The following PSME4 variants were observed in gnomAD, a reference collection of about 807,000 sequenced individuals.
PSME4 encodes the protein proteasome activator subunit 4, also known as proteasome activator complex subunit 4.
Under a neutral mutation model 253.9 loss-of-function variants are expected in PSME4, and 89 were observed. That is an observed-to-expected ratio of 0.35 (90% CI 0.30 to 0.42). The LOEUF is 0.42. Among genes scored for constraint, PSME4 ranks in the 10% least tolerant of loss-of-function variants. The probability of loss-of-function intolerance (pLI) is 1.00; values close to 1 mark genes in which losing one functional copy is unlikely to be tolerated. For missense variants in PSME4, 2,014 were observed against 2,195.2 expected, an observed-to-expected ratio of 0.92 and a Z score of 1.65; for synonymous variants, 851 against 759.2, an observed-to-expected ratio of 1.12 and a Z score of -1.99.
chr2:53,964,743 C>A (rs1214443043), intron 1 of PSME4, among the ~76,000 whole-genome samples: 1 of 152,254 alleles, frequency 6.6e-6, no homozygotes, highest in African/African-American at 2.4e-5. Context: ...CTCCTGTGGC[C>A]ACTTATTACT....
chr2:53,920,545 T>C (rs1194285899), intron 18 of PSME4, among the ~76,000 whole-genome samples, 195 bp from the exon 19 acceptor site: 1 of 152,018 alleles, frequency 6.6e-6, no homozygotes, highest in Non-Finnish European at 1.5e-5. Flanking sequence ...CTGAAAAAAG[T>C]CTCCCCGAAG....
intron 3 of PSME4, among the ~76,000 whole-genome samples, chr2:53,943,541 T>C (rs911282368): frequency 3.3e-5 from 5 of 152,120 alleles, no homozygotes; most frequent in Admixed American, 3.3e-4. Context: ...AATTTCACCA[T>C]AAAGAAAGGT....
At chr2:53,874,936 C>T (rs970029636) in intron 42 of PSME4, among the ~76,000 whole-genome samples, 1 of 152,158 alleles carries the variant, frequency 6.6e-6, no homozygotes, top group Non-Finnish European at 1.5e-5. Context: ...AGAGCGAACT[C>T]TGTCTCAAAA....
At position 53,932,010 on chromosome 2, in the gene PSME4, G is replaced by A; in HGVS notation, c.1141C>T (p.Pro381Ser). ...ERYKKPSWLT[P>S]VPDSHKLTDQ... ...GTAAGCTTGTGGCTATCAGGCACAG[G>A]AGTTAACCAAGAGGGCTTCTTGTAT... Residue 381 changes from proline (P) to serine (S), a missense_variant, in exon 10 of 47, where the codon CCT becomes TCT. This residue lies in a region of PSME4 where 615 missense variants were observed against 594.4 expected (regional missense o/e 1.03). Coordinates refer to ENST00000404125, the MANE Select transcript of PSME4 (RefSeq NM_014614.3). The A allele has an allele frequency of 1.2e-6, 2 of 1,613,790 alleles. No homozygotes were observed. Among genetic ancestry groups the A allele is most frequent in the Non-Finnish European group, 1.7e-6 (2 of 1,179,694 alleles).
At chr2:53,931,454 AT>A (rs1161703333) in intron 10 of PSME4, among the ~76,000 whole-genome samples, 1 of 152,096 alleles carries the variant, frequency 6.6e-6, no homozygotes, top group African/African-American at 2.4e-5. Flanking sequence ...AATAAACACA[AT>A]TTTCTTCTCT....
chr2:53,925,901 G>C, intron 13 of PSME4, 58 bp downstream of exon 13: 1 of 1,511,186 alleles, frequency 6.6e-7, no homozygotes, highest in Non-Finnish European at 9.2e-7. Flanking sequence ...AACTTTCTGG[G>C]ATAGAAGAGT....
chr2:53,943,462 T>C (rs754886150), intron 3 of PSME4, among the ~76,000 whole-genome samples: 3 of 152,210 alleles, frequency 2.0e-5, no homozygotes, highest in Non-Finnish European at 4.4e-5. Context: ...AAATCTAATA[T>C]TGATTGCTCA....
intron 12 of PSME4, among the ~76,000 whole-genome samples, chr2:53,926,952 G>A (rs1252607448): frequency 2.0e-5 from 3 of 149,278 alleles, no homozygotes; most frequent in African/African-American, 7.4e-5. Context: ...CAGCCTGGGT[G>A]ACATAACAAG....
chr2:53,873,258 AAC>A (rs1051385381), intron 43 of PSME4, among the ~76,000 whole-genome samples: 1 of 151,832 alleles, frequency 6.6e-6, no homozygotes, highest in African/African-American at 2.4e-5. Context: ...GAAAAAAAAA[AAC>A]AGTTGTTATA....
intron 27 of PSME4, 65 bp from the exon 28 acceptor site, chr2:53,901,624 A>C: frequency 1.5e-6 from 2 of 1,329,736 alleles, no homozygotes; most frequent in South Asian, 2.7e-5. Context: ...GTTGTAGCCA[A>C]TGCACCTATG....
chr2:53,904,758 G>A (rs1220180604), intron 26 of PSME4, among the ~76,000 whole-genome samples: 1 of 152,072 alleles, frequency 6.6e-6, no homozygotes, highest in Non-Finnish European at 1.5e-5. Context: ...GGAGGCTGAG[G>A]TGGGTGGATC....
chr2:53,968,737 C>G (rs918630994), intron 1 of PSME4, among the ~76,000 whole-genome samples: 12 of 152,240 alleles, frequency 7.9e-5, no homozygotes, highest in African/African-American at 2.9e-4. Flanking sequence ...CATCAGCTAT[C>G]TGCAATCCAG....
intron 1 of PSME4, among the ~76,000 whole-genome samples, chr2:53,958,522 G>A (rs373349834): frequency 6.6e-6 from 1 of 152,054 alleles, no homozygotes; most frequent in African/African-American, 2.4e-5. Flanking sequence ...AAATCCATTT[G>A]AAAACACACA....
chr2:53,897,905 C>G lies in PSME4; in HGVS notation c.3571G>C (p.Glu1191Gln), dbSNP rs770453064. The change falls in exon 31 of 47, where the codon GAG becomes CAG. Residue 1191 changes from glutamate (E) to glutamine (Q), a missense_variant. By Grantham distance (29) the Glu-to-Gln change is conservative (BLOSUM62 2). Transcript: ENST00000404125. ...LPLRAIRFFVENLNHDAIVVR... is the reference protein window; with the variant it reads ...LPLRAIRFFVQNLNHDAIVVR... ...ACAATTGCATCATGGTTGAGATTCT[C>G]AACAAAAAACCGTATGGCACGAAGA... The G allele has an allele frequency of 1.8e-5, 29 of 1,613,766 alleles. No homozygotes were observed. The East Asian group carries it at 3.6e-4, about 20-fold the overall frequency.
chr2:53,920,909 A>G lies in PSME4; in HGVS notation c.2242T>C (p.Ser748Pro). 4 of 1,606,618 alleles carry G rather than the reference A, an allele frequency of 2.5e-6. No individual in the cohort carries two copies. The highest frequency in any genetic ancestry group is 1.7e-6 in the Non-Finnish European group (2 of 1,173,302). ...SVPGGFDKPPSEYFPIKDWGK... is the reference protein window; with the variant it reads ...SVPGGFDKPPPEYFPIKDWGK... ...CTTGCCTTGATAGGAAAGTATTCAG[A>G]AGGAGGCTTGTCAAAGCCACCTGGC... The change falls in exon 18 of 47, where the codon TCT becomes CCT. Residue 748 changes from serine (S) to proline (P), a missense_variant. This residue lies in a region of PSME4 where 989 missense variants were observed against 1,021.1 expected (regional missense o/e 0.97). Coordinates refer to ENST00000404125, the MANE Select transcript of PSME4 (RefSeq NM_014614.3).
intron 41 of PSME4, 103 bp from the exon 42 acceptor site, chr2:53,875,858 T>A: frequency 8.7e-7 from 1 of 1,153,996 alleles, no homozygotes; most frequent in Non-Finnish European, 1.2e-6. Flanking sequence ...ACAATTTTTA[T>A]GGAAAATTTC....
rs141116966 is a variant in PSME4, at chr2:53,953,381, G to A, written c.243-4098C>T. Among the ~76,000 whole-genome samples the A allele has an allele frequency of 2.0e-5, 3 of 151,392 alleles. 1 individual carries two copies. The highest frequency in any genetic ancestry group is 4.2e-4 in the South Asian group (2 of 4,816). On this transcript the variant is annotated intron_variant, in intron 1 of 46. Coordinates refer to ENST00000404125, the MANE Select transcript of PSME4 (RefSeq NM_014614.3). ...TTAAAAATGGGCAAAAAGGCTGGGCGTAGTATACCTGTAATCCCAGCACTT... is the reference window on the plus strand; with the variant it reads ...TTAAAAATGGGCAAAAAGGCTGGGCATAGTATACCTGTAATCCCAGCACTT...
rs147683958 is a variant in PSME4, at chr2:53,926,044, G to C, written c.1594-21C>G. On this transcript the variant is annotated intron_variant, in intron 12 of 46. Transcript: ENST00000404125. The stretch of plus-strand genomic sequence containing the variant: ...TCCACCTATAATATCCCAATATGGA[G>C]AAAGATTACATATAGCCTTTGTTTT... 3,404 of 1,587,182 alleles carry C rather than the reference G, an allele frequency of 2.1e-3. 53 individuals are homozygous for C. In the African/African-American group the frequency reaches 0.037, roughly 17 times the overall value.
intron 1 of PSME4, among the ~76,000 whole-genome samples, chr2:53,961,491 C>A (rs907900565): frequency 6.6e-6 from 1 of 152,082 alleles, no homozygotes; most frequent in African/African-American, 2.4e-5. Flanking sequence ...CATAGTGAGA[C>A]CCTGTCTCTA....
Sources: gnomAD v4.1 joint callset for allele counts (sites outside exome capture counted in the v4.1 genomes callset) on GRCh38, gnomAD v4.1.1 for gene constraint, gnomAD v4.1.1 regional missense constraint, MANE v1.5 for transcripts, NCBI Gene and HGNC (gene_info 2026-07-23, HGNC 2026-07-21) for gene names.